CNTNAP2: variants seen among roughly 807,000 people sequenced by gnomAD.
CNTNAP2 encodes contactin associated protein 2.
CNTNAP2 carries 98 observed loss-of-function variants against 155.2 expected under a neutral mutation model. That is an observed-to-expected ratio of 0.63 (90% CI 0.54 to 0.75). The LOEUF (loss-of-function observed/expected upper bound fraction) is 0.75. Among genes scored for constraint, CNTNAP2 ranks in the 30% least tolerant of loss-of-function variants. The probability of loss-of-function intolerance (pLI) is 0.00; values close to 1 mark genes in which losing one functional copy is unlikely to be tolerated. For synonymous variants in CNTNAP2, 651 were observed against 631.2 expected (o/e 1.03, Z -0.47); for missense variants, 1,727 against 1,688.1 (o/e 1.02, Z -0.40).
chr7:146,916,827 T>C (rs1796404634), intron 3 of CNTNAP2, among the ~76,000 whole-genome samples: 1 of 152,166 alleles, frequency 6.6e-6, no homozygotes, highest in Non-Finnish European at 1.5e-5. Context: ...TTAGTTCTGC[T>C]CTGATCTGGA....
chr7:147,334,522 T>C (rs1021383239), intron 9 of CNTNAP2, among the ~76,000 whole-genome samples: 1 of 152,200 alleles, frequency 6.6e-6, no homozygotes, highest in East Asian at 1.9e-4. Context: ...GAAATTGTTA[T>C]ACAGTTGGCC....
At chr7:147,883,945 C>G (rs1199625952) in intron 13 of CNTNAP2, among the ~76,000 whole-genome samples, 1 of 152,030 alleles carries the variant, frequency 6.6e-6, no homozygotes, top group Non-Finnish European at 1.5e-5. Flanking sequence ...ATAAACAAAA[C>G]AGTATCTAAT....
intron 15 of CNTNAP2, among the ~76,000 whole-genome samples, chr7:148,080,497 C>T (rs905531962): frequency 6.7e-6 from 1 of 149,146 alleles, no homozygotes; most frequent in African/African-American, 2.5e-5. Flanking sequence ...CCCAGCTACT[C>T]AGGAGACTGA....
intron 10 of CNTNAP2, among the ~76,000 whole-genome samples, chr7:147,479,761 A>T (rs1798389230): frequency 6.6e-6 from 1 of 152,116 alleles, no homozygotes; most frequent in Admixed American, 6.6e-5. Flanking sequence ...GTTTGGGCAT[A>T]ATGTCAGAGG....
chr7:148,156,285 A>G (rs1242510298), intron 17 of CNTNAP2, among the ~76,000 whole-genome samples: 1 of 152,210 alleles, frequency 6.6e-6, no homozygotes, highest in Non-Finnish European at 1.5e-5. Context: ...GCTTTTATAA[A>G]GTCGTCAAAG....
chr7:147,149,027 C>A (rs960897571), intron 8 of CNTNAP2, among the ~76,000 whole-genome samples: 4 of 152,214 alleles, frequency 2.6e-5, no homozygotes, highest in Admixed American at 2.0e-4. Context: ...AGGGGACGAG[C>A]AAGTTGCCGC....
chr7:147,398,876 A>G (rs1307447045), intron 10 of CNTNAP2, among the ~76,000 whole-genome samples: 1 of 151,560 alleles, frequency 6.6e-6, no homozygotes, highest in African/African-American at 2.4e-5. Context: ...AAAAGTAAAT[A>G]ATCTAGCAAG....
intron 1 of CNTNAP2, among the ~76,000 whole-genome samples, chr7:146,214,969 C>T (rs921215751): frequency 6.6e-6 from 1 of 152,160 alleles, no homozygotes; most frequent in South Asian, 2.1e-4. Context: ...TCCGAACATA[C>T]CCTGGAACAT....
At chr7:146,782,036 G>A (rs991409925) in intron 2 of CNTNAP2, among the ~76,000 whole-genome samples, 1 of 152,138 alleles carries the variant, frequency 6.6e-6, no homozygotes, top group Admixed American at 6.5e-5. Context: ...TAATTAGGAA[G>A]CTTTATTCTT....
At chr7:147,156,051 A>T (rs1178455501) in intron 8 of CNTNAP2, among the ~76,000 whole-genome samples, 1 of 152,178 alleles carries the variant, frequency 6.6e-6, no homozygotes, top group Admixed American at 6.6e-5. Context: ...ACAAGTCCCT[A>T]CTTTTTCCTC....
At chr7:147,799,167 A>G (rs1323854470) in intron 13 of CNTNAP2, among the ~76,000 whole-genome samples, 1 of 152,200 alleles carries the variant, frequency 6.6e-6, no homozygotes, top group Non-Finnish European at 1.5e-5. Context: ...TCCTCAGGGA[A>G]GAGCAATTAG....
rs1246976902 is a variant in CNTNAP2 at position 148,047,294 on chromosome 7, T to TGTTGAATA, written c.2383+69305_2383+69306insGTTGAATA. ...CTGCAAGCCTCTGGTCACAGTATAT[T>TGTTGAATA]CATCAACCTATCAATACATAACGTT... On this transcript the variant is annotated intron_variant, in intron 15 of 23. Coordinates refer to ENST00000361727, the MANE Select transcript of CNTNAP2 (RefSeq NM_014141.6). 6.2e-3 allele frequency among the ~76,000 whole-genome samples: 938 copies of TGTTGAATA among 152,302 alleles called. 8 individuals are homozygous for TGTTGAATA. The highest frequency in any genetic ancestry group is 0.022 in the African/African-American group (897 of 41,546).
intron 20 of CNTNAP2, chr7:148,263,129 C>T (rs1307283593): frequency 1.3e-5 from 2 of 149,020 alleles, no homozygotes; most frequent in Non-Finnish European, 3.0e-5. Flanking sequence ...GAACGCTTTC[C>T]TCCTTCCCTC....
intron 14 of CNTNAP2, among the ~76,000 whole-genome samples, chr7:147,949,225 G>GA (rs1351669201): frequency 6.6e-6 from 1 of 151,542 alleles, no homozygotes; most frequent in African/African-American, 2.4e-5. Flanking sequence ...AAAAAAGAAA[G>GA]AAAATCATAA....
At chr7:146,977,096 A>G (rs1217889432) in intron 3 of CNTNAP2, among the ~76,000 whole-genome samples, 2 of 152,232 alleles carry the variant, frequency 1.3e-5, no homozygotes, top group African/African-American at 4.8e-5. Context: ...AACAAAGGCC[A>G]CAGGAGTTAG....
chr7:147,507,712 G>C (rs769749393), intron 11 of CNTNAP2, among the ~76,000 whole-genome samples: 2 of 151,306 alleles, frequency 1.3e-5, no homozygotes, highest in South Asian at 4.2e-4. Context: ...GCCACCACGC[G>C]CGGCTAATTT....
chr7:147,370,153 G>A (rs953179755), intron 9 of CNTNAP2, among the ~76,000 whole-genome samples: 3 of 150,990 alleles, frequency 2.0e-5, no homozygotes, highest in Admixed American at 6.6e-5. Context: ...GAGTGTGTGC[G>A]ATTTGCTACA....
chr7:147,903,764 G>A, intron 14 of CNTNAP2, 43 bp downstream of exon 14: 2 of 1,605,208 alleles, frequency 1.2e-6, no homozygotes, highest in Non-Finnish European at 1.7e-6. Flanking sequence ...CCCTCCCAGT[G>A]TGCCTTTGTG....
At chr7:147,624,046 CTGAA>C (rs922294951) in intron 12 of CNTNAP2, among the ~76,000 whole-genome samples, 118 of 152,200 alleles carry the variant, frequency 7.8e-4, no homozygotes, top group African/African-American at 2.6e-3. Context: ...TCTGGGAAAA[CTGAA>C]TGTTCATATG....
Sources: gnomAD v4.1 joint callset for allele counts (sites outside exome capture counted in the v4.1 genomes callset) on GRCh38, gnomAD v4.1.1 for gene constraint, MANE v1.5 for transcripts, NCBI Gene and HGNC (gene_info 2026-07-23, HGNC 2026-07-21) for gene names.